Variants in ATG10 observed in about 807,000 individuals in gnomAD.
ATG10 encodes autophagy related 10.
ATG10 carries 30 observed loss-of-function variants against 32.1 expected under a neutral mutation model. The ratio of observed to expected loss-of-function variants is 0.94; its 90% CI spans 0.70 to 1.27. The LOEUF is 1.27. Ranked by LOEUF, ATG10 falls within the 50% of genes most tolerant of loss-of-function variation. ATG10 has a pLI of 0.00. For synonymous variants in ATG10, 87 were observed against 91.5 expected (o/e 0.95, Z 0.28); for missense variants, 233 against 262.3 (o/e 0.89, Z 0.77).
At chr5:82,242,387 G>GGA (rs1270847019) in intron 5 of ATG10, among the ~76,000 whole-genome samples, 2 of 152,066 alleles carry the variant, frequency 1.3e-5, no homozygotes, top group African/African-American at 4.8e-5. Context: ...AAAGGATAGA[G>GGA]GAGGACTAAC....
chr5:82,150,959 A>G (rs1767570738), intron 3 of ATG10, among the ~76,000 whole-genome samples: 1 of 152,190 alleles, frequency 6.6e-6, no homozygotes, highest in African/African-American at 2.4e-5. Flanking sequence ...TGGATTTAAG[A>G]GCTTTGTGCT....
chr5:81,985,578 C>T (rs957011011), intron 1 of ATG10, among the ~76,000 whole-genome samples: 1 of 152,142 alleles, frequency 6.6e-6, no homozygotes, highest in Non-Finnish European at 1.5e-5. Context: ...CCTCCAGAGA[C>T]CTCTGTCTTA....
chr5:82,135,838 T>C (rs1050674096), intron 3 of ATG10, among the ~76,000 whole-genome samples: 5 of 152,162 alleles, frequency 3.3e-5, no homozygotes, highest in African/African-American at 4.8e-5. Context: ...CTCCCACTAT[T>C]ATTGTGTGGG....
chr5:82,186,699 T>G (rs1177814384), intron 5 of ATG10, among the ~76,000 whole-genome samples: 1 of 151,404 alleles, frequency 6.6e-6, no homozygotes, highest in African/African-American at 2.4e-5. Flanking sequence ...GTCAAGTGAT[T>G]CTTATGCCTC....
intron 3 of ATG10, among the ~76,000 whole-genome samples, chr5:82,085,590 T>C (rs1399658206): frequency 3.3e-5 from 5 of 151,598 alleles, no homozygotes; most frequent in South Asian, 2.1e-4. Flanking sequence ...TATACATATG[T>C]AACAAACCTG....
chr5:82,129,974 G>A (rs1391214103), intron 3 of ATG10, among the ~76,000 whole-genome samples: 1 of 152,124 alleles, frequency 6.6e-6, no homozygotes, highest in Non-Finnish European at 1.5e-5. Flanking sequence ...TCGTCTGTCC[G>A]GGAGATGGGG....
chr5:82,117,084 A>G, intron 3 of ATG10, among the ~76,000 whole-genome samples: 1 of 152,236 alleles, frequency 6.6e-6, no homozygotes, highest in Non-Finnish European at 1.5e-5. Context: ...TAATTAATTT[A>G]ACAACTTACT....
intron 2 of ATG10, among the ~76,000 whole-genome samples, chr5:82,004,665 G>T (rs1761940902): frequency 6.6e-6 from 1 of 152,214 alleles, no homozygotes; most frequent in Non-Finnish European, 1.5e-5. Context: ...TAGGGTGCAT[G>T]ACGAGTATGC....
intron 2 of ATG10, among the ~76,000 whole-genome samples, chr5:82,005,098 A>G (rs953655749): frequency 6.6e-6 from 1 of 152,206 alleles, no homozygotes; most frequent in Non-Finnish European, 1.5e-5. Context: ...TAAATAAAAC[A>G]AAAACAACCA....
chr5:82,129,510 C>G (rs993737294), intron 3 of ATG10, among the ~76,000 whole-genome samples: 18 of 151,970 alleles, frequency 1.2e-4, no homozygotes, highest in African/African-American at 4.1e-4. Context: ...ATGCTGAAGC[C>G]CTTCGGATGG....
chr5:82,077,043 G>A (rs1229532748), intron 3 of ATG10, among the ~76,000 whole-genome samples: 1 of 152,216 alleles, frequency 6.6e-6, no homozygotes, highest in Non-Finnish European at 1.5e-5. Context: ...TTGAGATCCA[G>A]CTGGGCATGG....
At chr5:82,106,298 T>C in intron 3 of ATG10, among the ~76,000 whole-genome samples, 1 of 152,316 alleles carries the variant, frequency 6.6e-6, no homozygotes, top group Admixed American at 6.5e-5. Flanking sequence ...TACCATCTTT[T>C]ACCTCAGTAA....
At chr5:82,228,016 G>A (rs1746202425) in intron 5 of ATG10, among the ~76,000 whole-genome samples, 1 of 151,964 alleles carries the variant, frequency 6.6e-6, no homozygotes, top group Non-Finnish European at 1.5e-5. Flanking sequence ...GACCAGCCTG[G>A]GCAATATAGA....
rs542250098 is a variant in ATG10, at chr5:81,987,890, A to G, written c.108+212A>G. ...TTGATTATTATCAGGCTAATGAAGTATTATTTTGAAAAGTCCTTACGTAAC... is the reference window on the plus strand; with the variant it reads ...TTGATTATTATCAGGCTAATGAAGTGTTATTTTGAAAAGTCCTTACGTAAC... On this transcript the variant is annotated intron_variant, in intron 2 of 7. Transcript: ENST00000282185. Among the ~76,000 whole-genome samples, 341 of 151,158 alleles carry G rather than the reference A, an allele frequency of 2.3e-3. 1 individual carries two copies. The highest frequency in any genetic ancestry group is 7.9e-3 in the African/African-American group (329 of 41,460).
intron 3 of ATG10, among the ~76,000 whole-genome samples, chr5:82,103,136 A>C (rs1053488438): frequency 6.6e-6 from 1 of 152,150 alleles, no homozygotes; most frequent in African/African-American, 2.4e-5. Flanking sequence ...CAAATAACTC[A>C]TCTGGAGCTC....
intron 3 of ATG10, among the ~76,000 whole-genome samples, chr5:82,094,921 A>G (rs887446422): frequency 2.6e-5 from 4 of 152,160 alleles, no homozygotes; most frequent in African/African-American, 9.7e-5. Flanking sequence ...TACAGTGGAA[A>G]ATATACAAAC....
chr5:82,097,987 GT>G (rs1388493016), intron 3 of ATG10, among the ~76,000 whole-genome samples: 2 of 152,148 alleles, frequency 1.3e-5, no homozygotes, highest in Non-Finnish European at 2.9e-5. Context: ...AGGAAATCTT[GT>G]TTCCCCCTGT....
intron 3 of ATG10, among the ~76,000 whole-genome samples, chr5:82,115,840 G>T (rs1225981584): frequency 6.6e-6 from 1 of 152,050 alleles, no homozygotes; most frequent in Admixed American, 6.6e-5. Flanking sequence ...TTCAAGGGCT[G>T]AATACAAGTA....
chr5:82,150,220 G>GTC (rs1660109977), intron 3 of ATG10, among the ~76,000 whole-genome samples: 1 of 151,596 alleles, frequency 6.6e-6, no homozygotes, highest in East Asian at 1.9e-4. Context: ...TAGGAAACAA[G>GTC]TCAGTTCTGG....
Sources: gnomAD v4.1 joint callset for allele counts (sites outside exome capture counted in the v4.1 genomes callset) on GRCh38, gnomAD v4.1.1 for gene constraint, MANE v1.5 for transcripts, NCBI Gene and HGNC (gene_info 2026-07-23, HGNC 2026-07-21) for gene names.